Variants in RCN1 observed in about 807,000 individuals in gnomAD.
RCN1 encodes reticulocalbin-1.
RCN1 carries 14 observed loss-of-function variants against 34.7 expected under a neutral mutation model. The ratio of observed to expected loss-of-function variants is 0.40; its 90% confidence interval spans 0.27 to 0.63. The LOEUF (loss-of-function observed/expected upper bound fraction) is 0.63. Among genes scored for constraint, RCN1 ranks in the 30% least tolerant of loss-of-function variants. The pLI is 0.37. For synonymous variants in RCN1, 125 were observed against 165.5 expected, an observed-to-expected ratio of 0.76 and a Z score of 1.88; for missense variants, 326 against 425.1, an observed-to-expected ratio of 0.77 and a Z score of 2.05.
At chr11:32,095,496 T>C (rs1565349920) in intron 1 of RCN1, among the ~76,000 whole-genome samples, 2 of 152,024 alleles carry the variant, frequency 1.3e-5, no homozygotes, top group Non-Finnish European at 2.9e-5. Context: ...CAAGCTCAGC[T>C]TCCCAGGTTC....
intron 1 of RCN1, among the ~76,000 whole-genome samples, chr11:32,094,767 C>CA (rs1851954563): frequency 6.6e-6 from 1 of 152,136 alleles, no homozygotes; most frequent in South Asian, 2.1e-4. Flanking sequence ...TGGGGAAACT[C>CA]AGAGAGTCAA....
intron 4 of RCN1, 103 bp downstream of exon 4, chr11:32,100,711 G>C: frequency 1.1e-6 from 1 of 888,172 alleles, no homozygotes; most frequent in South Asian, 1.5e-5. Flanking sequence ...AGCAACAGCT[G>C]CAAGTCTATA....
chr11:32,098,682 A>C (rs1218231275), intron 3 of RCN1, among the ~76,000 whole-genome samples, 154 bp downstream of exon 3: 1 of 152,214 alleles, frequency 6.6e-6, no homozygotes, highest in African/African-American at 2.4e-5. Context: ...TACCCAGAAA[A>C]TTAGTCAGGT....
At chr11:32,096,910 C>G (rs1851977525) in intron 1 of RCN1, 1 of 464,880 alleles carries the variant, frequency 2.2e-6, no homozygotes, top group Non-Finnish European at 3.7e-6. Flanking sequence ...GGGGCACGAT[C>G]CATTAGCAGT....
At chr11:32,103,032 A>AC in intron 4 of RCN1, 1 of 601,780 alleles carries the variant, frequency 1.7e-6, no homozygotes, top group Non-Finnish European at 3.1e-6. Flanking sequence ...CAGTCACTGA[A>AC]CTAAGTCAAA....
At chr11:32,100,634 C>T (rs1314777550) in intron 4 of RCN1, 26 bp downstream of exon 4, 5 of 1,601,742 alleles carry the variant, frequency 3.1e-6, no homozygotes, top group Middle Eastern at 1.7e-4. Flanking sequence ...GAGTCTTGCT[C>T]AGCTGTCCTG....
intron 5 of RCN1, 101 bp downstream of exon 5, chr11:32,103,581 G>A (rs547591565): frequency 5.1e-5 from 52 of 1,014,954 alleles, no homozygotes; most frequent in Admixed American, 2.9e-4. Flanking sequence ...ATGTGGCCAT[G>A]TCTTTATTGA....
chr11:32,094,645 A>G (rs972501179), intron 1 of RCN1, among the ~76,000 whole-genome samples: 15 of 152,220 alleles, frequency 9.9e-5, no homozygotes, highest in Non-Finnish European at 1.9e-4. Context: ...GCTACTGTGT[A>G]GCAGCTACCA....
chr11:32,103,156 T>C (rs1302486843), intron 4 of RCN1, 125 bp from the exon 5 acceptor site: 7 of 761,154 alleles, frequency 9.2e-6, no homozygotes, highest in Non-Finnish European at 1.1e-5. Flanking sequence ...ACCAGCTGTT[T>C]GAGTTAGGTC....
chr11:32,105,065 A>G lies in RCN1; in HGVS notation c.*593A>G, dbSNP rs1348015571. The stretch of plus-strand genomic sequence containing the variant: ...CCAGTATGGATCTGCTAATATGCAC[A>G]GTAAATCCATGTCTTTGTTTGTTTT... On this transcript the variant is annotated 3_prime_UTR_variant, in exon 6 of 6. Coordinates refer to ENST00000054950, the MANE Select transcript of RCN1 (RefSeq NM_002901.4). 3 of 167,166 alleles carry G rather than the reference A, an allele frequency of 1.8e-5. No homozygotes were observed. The allele number at this position is 167,166 out of a possible 1,614,324, so 10.4% of individuals were successfully genotyped here.
chr11:32,093,875 A>C (rs938520642), intron 1 of RCN1, among the ~76,000 whole-genome samples: 14 of 152,214 alleles, frequency 9.2e-5, no homozygotes, highest in Non-Finnish European at 1.8e-4. Flanking sequence ...GGTGAATGCC[A>C]AAGGGGCTTG....
At chr11:32,102,880 T>C (rs1852062748) in intron 4 of RCN1, 1 of 398,988 alleles carries the variant, frequency 2.5e-6, no homozygotes, top group South Asian at 1.9e-5. Flanking sequence ...TGTTCAATGT[T>C]AGTCATTATT....
rs747800325 is a variant in RCN1, at chr11:32,100,610, T to C, written c.688+2T>C. 4 of 1,612,926 alleles carry C rather than the reference T, an allele frequency of 2.5e-6. No individual in the cohort carries two copies. In the Admixed American group the frequency reaches 5.0e-5, roughly 20 times the overall value. Reference sequence around the variant, plus strand: ...TTGTGGATCAGGATGAGTATATTGGTGAGTACTGACCTAGAGTCTTGCTCA... The same window carrying C: ...TTGTGGATCAGGATGAGTATATTGGCGAGTACTGACCTAGAGTCTTGCTCA... On this transcript the variant is annotated splice_donor_variant, in intron 4 of 5. Coordinates refer to ENST00000054950, the MANE Select transcript of RCN1 (RefSeq NM_002901.4). LOFTEE classifies it high-confidence loss of function.
intron 1 of RCN1, among the ~76,000 whole-genome samples, chr11:32,094,427 G>A (rs1851950872): frequency 6.6e-6 from 1 of 152,188 alleles, no homozygotes; most frequent in African/African-American, 2.4e-5. Context: ...TTATTCCCAT[G>A]TGTCAGTCAT....
chr11:32,103,093 C>A, intron 4 of RCN1, 188 bp from the exon 5 acceptor site: 1 of 671,626 alleles, frequency 1.5e-6, no homozygotes, highest in Non-Finnish European at 2.7e-6. Context: ...TACTCCACCA[C>A]ATGGCCTTCA....
At chr11:32,098,690 G>A (rs1276082431) in intron 3 of RCN1, among the ~76,000 whole-genome samples, 162 bp downstream of exon 3, 1 of 152,168 alleles carries the variant, frequency 6.6e-6, no homozygotes, top group East Asian at 1.9e-4. Flanking sequence ...AAATTAGTCA[G>A]GTCAGGCTGG....
rs970534466 is a variant in RCN1, at chr11:32,091,157, C to T, written c.-40C>T. ...TTCCCGAGCTGCCGCTGTTGTCGCT[C>T]GCTCAGCGTCTCCCTCTCGGCCGCC... On this transcript the variant is annotated 5_prime_UTR_variant, in exon 1 of 6. Transcript: ENST00000054950. 1.5e-5 allele frequency: 21 copies of T among 1,388,830 alleles called. No homozygotes were observed. The highest frequency in any genetic ancestry group is 2.7e-4 in the Middle Eastern group (1 of 3,750). 86.0% of individuals were successfully genotyped at this position (1,388,830 alleles called of 1,614,324 possible).
At chr11:32,098,260 C>A in intron 2 of RCN1, 90 bp from the exon 3 acceptor site, 2 of 1,174,626 alleles carry the variant, frequency 1.7e-6, no homozygotes, top group South Asian at 3.1e-5. Flanking sequence ...CTATATGTAC[C>A]ATTTGAGCAT....
At chr11:32,093,920 C>T (rs995482903) in intron 1 of RCN1, among the ~76,000 whole-genome samples, 3 of 152,068 alleles carry the variant, frequency 2.0e-5, no homozygotes, top group Admixed American at 1.3e-4. Context: ...TGAATCTAGA[C>T]ACCAGTGGGA....
Sources: allele counts gnomAD v4.1 joint callset (sites outside exome capture counted in the v4.1 genomes callset), GRCh38; gene constraint gnomAD v4.1.1; transcripts MANE v1.5; gene names NCBI Gene and HGNC (gene_info 2026-07-23, HGNC 2026-07-21).